PYHIN1: variants seen among roughly 807,000 people sequenced by gnomAD.
The protein encoded by PYHIN1 is pyrin and HIN domain family member 1, also known as pyrin and HIN domain-containing protein 1.
In PYHIN1, 32 loss-of-function variants were observed where a neutral mutation model predicts 43.7. The ratio of observed to expected loss-of-function variants is 0.73; its 90% CI spans 0.55 to 0.98. The LOEUF (loss-of-function observed/expected upper bound fraction) is 0.98. Among genes scored for constraint, PYHIN1 ranks in the 50% least tolerant of loss-of-function variants. The pLI is 0.00. For synonymous variants in PYHIN1, 205 were observed against 203.1 expected (o/e 1.01, Z -0.08); for missense variants, 588 against 589.5 (o/e 1.00, Z 0.03).
rs1431150474 is a variant in PYHIN1 at position 158,933,408 on chromosome 1, C to A, written c.-21+1632C>A. Among the ~76,000 whole-genome samples the A allele has an allele frequency of 6.6e-6, 1 of 151,560 alleles. No individual in the cohort carries two copies. Among genetic ancestry groups the A allele is most frequent in the Non-Finnish European group, 1.5e-5 (1 of 67,796 alleles). ...ATCTTCCCAGGAATTCAACCTTTTA[C>A]CATGTGGTATCTGATAATACTCTTT... On this transcript the variant is annotated intron_variant, in intron 1 of 8. Transcript: ENST00000368140. This position sits in a 1 kb window ranked among gnomAD's most constrained non-coding sequence, Gnocchi z 6.3.
chr1:158,955,638 C>G (rs2101692338), intron 7 of PYHIN1, among the ~76,000 whole-genome samples: 1 of 121,660 alleles, frequency 8.2e-6, no homozygotes, highest in Non-Finnish European at 1.7e-5. Flanking sequence ...TAAATGCCCA[C>G]AAGAGAAAGC....
intron 7 of PYHIN1, among the ~76,000 whole-genome samples, chr1:158,963,285 T>C (rs1291532483): frequency 2.0e-5 from 3 of 152,112 alleles, no homozygotes; most frequent in Non-Finnish European, 2.9e-5. Context: ...AGCCCTGCTC[T>C]TCACCAAACC....
intron 5 of PYHIN1, 28 bp downstream of exon 5, chr1:158,942,427 T>C (rs771103793): frequency 4.6e-6 from 7 of 1,511,858 alleles, no homozygotes; most frequent in Non-Finnish European, 6.2e-6. Flanking sequence ...TTTTGTGGCA[T>C]TTTCTACAAT....
Position 158,942,259 on chromosome 1 carries a change from T to G in PYHIN1, c.862T>G (p.Ser288Ala). 6.2e-7 allele frequency: 1 copy of G among 1,614,114 alleles called. No individual in the cohort carries two copies. Among genetic ancestry groups the G allele is most frequent in the Non-Finnish European group, 8.5e-7 (1 of 1,179,974 alleles). Residue 288 changes from serine to alanine, a missense_variant, in exon 5 of 9, where the codon TCT (serine) becomes GCT (alanine). Ser to Ala is a moderately conservative substitution (Grantham distance 99, BLOSUM62 1). Transcript: ENST00000368140. Reference sequence around the variant, plus strand: ...TCTCCTAGAGGTGAATGAAGCCTCTTCTGTATCTGAAGCTGGTCCTGACCA... The same window carrying G: ...TCTCCTAGAGGTGAATGAAGCCTCTGCTGTATCTGAAGCTGGTCCTGACCA... ...NSLLEVNEASSVSEAGPDQTF... is the reference protein window; with the variant it reads ...NSLLEVNEASAVSEAGPDQTF...
chr1:158,979,155 A>C (rs1283782118), downstream of PYHIN1, among the ~76,000 whole-genome samples: 1 of 152,194 alleles, frequency 6.6e-6, no homozygotes, highest in Admixed American at 6.5e-5. Flanking sequence ...TTTTATGATG[A>C]TAAGAGCACG....
the PYHIN1 span, among the ~76,000 whole-genome samples, chr1:158,989,359 T>C: frequency 3.3e-5 from 5 of 152,180 alleles, no homozygotes; most frequent in African/African-American, 9.6e-5. Flanking sequence ...AGAGCGGACT[T>C]CTGCTGGTTG....
chr1:158,944,647 A>T (rs1002446673), intron 6 of PYHIN1, among the ~76,000 whole-genome samples: 1 of 152,194 alleles, frequency 6.6e-6, no homozygotes, highest in East Asian at 1.9e-4. Context: ...ATTTCATTTT[A>T]AAAAATAAGT....
intron 7 of PYHIN1, among the ~76,000 whole-genome samples, chr1:158,952,389 A>T (rs1163722511): frequency 6.6e-6 from 1 of 152,146 alleles, no homozygotes; most frequent in Admixed American, 6.5e-5. Context: ...TTAAAAAAAA[A>T]AAATGGGTTT....
chr1:158,939,340 T>C, intron 4 of PYHIN1, 93 bp downstream of exon 4: 1 of 1,591,188 alleles, frequency 6.3e-7, no homozygotes, highest in African/African-American at 1.3e-5. Context: ...ACATCAATCA[T>C]CAGCCAGTAA....
chr1:158,987,355 ATCT>A, the PYHIN1 span, among the ~76,000 whole-genome samples: 1 of 152,170 alleles, frequency 6.6e-6, no homozygotes, highest in Non-Finnish European at 1.5e-5. Flanking sequence ...CTGTTTGTAT[ATCT>A]TCTTGGAGAA....
At chr1:158,964,252 T>C (rs184285337) in intron 7 of PYHIN1, among the ~76,000 whole-genome samples, 269 of 152,312 alleles carry the variant, frequency 1.8e-3, no homozygotes, top group Non-Finnish European at 2.4e-3. Context: ...CTAGAACTCA[T>C]TGGTGTCCCT....
chr1:158,936,006 AT>A (rs2101642285), intron 1 of PYHIN1, among the ~76,000 whole-genome samples: 1 of 152,200 alleles, frequency 6.6e-6, no homozygotes, highest in Non-Finnish European at 1.5e-5. Context: ...ACAGTAACTC[AT>A]TTGGTCATTA....
downstream of PYHIN1, among the ~76,000 whole-genome samples, chr1:158,978,800 C>T (rs1651389968): frequency 2.6e-5 from 4 of 152,274 alleles, no homozygotes; most frequent in Admixed American, 2.6e-4. Context: ...TTAATTTAAA[C>T]AGCGTCAACC....
chr1:158,934,650 C>T (rs1211786482), intron 1 of PYHIN1, among the ~76,000 whole-genome samples: 1 of 151,884 alleles, frequency 6.6e-6, no homozygotes, highest in Non-Finnish European at 1.5e-5. Context: ...AATTAACAGC[C>T]CCAGGAATTT....
rs1469020031 is a variant in PYHIN1, at chr1:158,936,991, C to T, written c.81C>T (p.Ser27=). 4 of 1,612,586 alleles carry T rather than the reference C, an allele frequency of 2.5e-6. No individual in the cohort carries two copies. The highest frequency in any genetic ancestry group is 3.4e-6 in the Non-Finnish European group (4 of 1,178,884). Residue 27 remains serine, a synonymous_variant, in exon 2 of 9, where the codon TCC becomes TCT. Coordinates refer to ENST00000368140, the MANE Select transcript of PYHIN1 (RefSeq NM_152501.5). Reference sequence around the variant, plus strand: ...ATTATCATTTTAGAATTGTTAAGTCCTTACTGAGTAACGATTTAAAACTTA... The same window carrying T: ...ATTATCATTTTAGAATTGTTAAGTCTTTACTGAGTAACGATTTAAAACTTA... ...INDYHFRIVK[S]LLSNDLKLNP... is the part of the protein sequence containing the mutation.
chr1:158,942,229 A>T lies in PYHIN1; in HGVS notation c.832A>T (p.Asn278Tyr). The T allele has an allele frequency of 6.2e-7, 1 of 1,614,062 alleles. No homozygotes were observed. Among genetic ancestry groups the T allele is most frequent in the African/African-American group, 1.3e-5 (1 of 75,050 alleles). Reference sequence around the variant, plus strand: ...CATTATATCAAATTATTCCAAACGTAATAGTCTCCTAGAGGTGAATGAAGC... The same window carrying T: ...CATTATATCAAATTATTCCAAACGTTATAGTCTCCTAGAGGTGAATGAAGC... ...IIIISNYSKR[N>Y]SLLEVNEASS... The change falls in exon 5 of 9, where the codon AAT becomes TAT. Residue 278 changes from asparagine (N) to tyrosine (Y), a missense_variant. Coordinates refer to ENST00000368140, the MANE Select transcript of PYHIN1 (RefSeq NM_152501.5).
At chr1:158,947,829 A>T (rs1306167397) in intron 7 of PYHIN1, among the ~76,000 whole-genome samples, 1 of 152,252 alleles carries the variant, frequency 6.6e-6, no homozygotes, top group African/African-American at 2.4e-5. Context: ...CCCACAGTTG[A>T]TCAAAGGTTG....
chr1:158,933,563 T>C lies in PYHIN1; in HGVS notation c.-21+1787T>C, dbSNP rs1175263269. Among the ~76,000 whole-genome samples, 1 of 152,064 alleles carries C rather than the reference T, an allele frequency of 6.6e-6. No homozygotes were observed. On this transcript the variant is annotated intron_variant, in intron 1 of 8. Transcript: ENST00000368140. The surrounding 1 kb of genome is among the most constrained non-coding windows in gnomAD (Gnocchi z 6.3). ...TACTGACAACATACATATAGAAATT[T>C]TAAATCAAATTTGATAAAAGTTGTC...
Position 158,937,188 on chromosome 1 carries a change from AG to A in PYHIN1, c.265+16del, listed in dbSNP as rs1648613099. ...GAAAAGTTAAAAGGTAATTGGGAAG[AG>A]GGAACACCCACTCCCTGCAATGATC... On this transcript the variant is annotated intron_variant, in intron 2 of 8. Coordinates refer to ENST00000368140, the MANE Select transcript of PYHIN1 (RefSeq NM_152501.5). The A allele has an allele frequency of 6.4e-6, 10 of 1,560,912 alleles. No homozygotes were observed. Among genetic ancestry groups the A allele is most frequent in the Non-Finnish European group, 6.9e-6 (8 of 1,156,704 alleles).
Sources: gnomAD v4.1 joint callset for allele counts (sites outside exome capture counted in the v4.1 genomes callset) on GRCh38, gnomAD v4.1.1 for gene constraint, Gnocchi (gnomAD v3.1) non-coding constraint, MANE v1.5 for transcripts, NCBI Gene and HGNC (gene_info 2026-07-23, HGNC 2026-07-21) for gene names.